GMDS: variants seen among roughly 807,000 people sequenced by gnomAD.
The protein encoded by GMDS is GDP-mannose 4,6-dehydratase, also known as GDP-mannose 4,6 dehydratase.
GMDS carries 20 observed loss-of-function variants against 49.9 expected under a neutral mutation model. The ratio of observed to expected loss-of-function variants is 0.40; its 90% CI spans 0.28 to 0.58. The LOEUF (loss-of-function observed/expected upper bound fraction) is 0.58, where lower values mean the gene tolerates loss of function less well. Ranked by LOEUF, GMDS falls within the 20% of genes least tolerant of loss-of-function variation. GMDS has a pLI of 0.42. For synonymous variants in GMDS, 177 were observed against 178.6 expected (o/e 0.99, Z 0.07); for missense variants, 362 against 481.4 (o/e 0.75, Z 2.32).
At chr6:1,743,468 G>A (rs532761353) in intron 7 of GMDS, among the ~76,000 whole-genome samples, 109 of 147,266 alleles carry the variant, frequency 7.4e-4, no homozygotes, top group African/African-American at 2.4e-3. Flanking sequence ...GCGTGAACCC[G>A]GGAGGCGGAG....
intron 1 of GMDS, among the ~76,000 whole-genome samples, chr6:2,184,040 T>C (rs1315007144): frequency 1.3e-5 from 2 of 152,230 alleles, no homozygotes; most frequent in African/African-American, 4.8e-5. Flanking sequence ...ATATATAACT[T>C]ACATATTCAT....
intron 1 of GMDS, among the ~76,000 whole-genome samples, chr6:2,207,889 T>G (rs1362996332): frequency 6.6e-6 from 1 of 151,920 alleles, no homozygotes; most frequent in Non-Finnish European, 1.5e-5. Flanking sequence ...ATTGAGAAGA[T>G]TTCTCTAAAA....
chr6:2,168,385 A>T (rs758798620), intron 1 of GMDS, among the ~76,000 whole-genome samples: 9 of 152,216 alleles, frequency 5.9e-5, no homozygotes, highest in Non-Finnish European at 1.3e-4. Flanking sequence ...TAGAAGAAAC[A>T]AGGAGCAAAG....
intron 1 of GMDS, among the ~76,000 whole-genome samples, chr6:2,227,580 A>G (rs1780873138): frequency 6.6e-6 from 1 of 152,230 alleles, no homozygotes; most frequent in Non-Finnish European, 1.5e-5. Flanking sequence ...GTTCCTAGAG[A>G]GTGACTGTGG....
rs971655499 is a variant in GMDS, at chr6:1,728,817, A to G, written c.891-2305T>C. On this transcript the variant is annotated intron_variant, in intron 8 of 10. Coordinates refer to ENST00000380815, the MANE Select transcript of GMDS (RefSeq NM_001500.4). ...ACAGATCACATATAGTCTCTGTTAC[A>G]TATTTTTCCTTTCTCCTCTTTCTTT... is the stretch of plus-strand genomic sequence containing the variant. Among the ~76,000 whole-genome samples, 7 of 152,146 alleles carry G rather than the reference A, an allele frequency of 4.6e-5. 1 individual carries two copies. Among genetic ancestry groups the G allele is most frequent in the African/African-American group, 1.4e-4 (6 of 41,528 alleles).
intron 7 of GMDS, among the ~76,000 whole-genome samples, chr6:1,913,532 A>T (rs978580947): frequency 1.3e-5 from 2 of 152,232 alleles, no homozygotes; most frequent in South Asian, 4.1e-4. Flanking sequence ...TTCCTCAAAG[A>T]ATAGAAGGGT....
Position 2,192,802 on chromosome 6 carries a change from T to G in GMDS, c.102+52519A>C, listed in dbSNP as rs571241777. ...CAGTCCACGCCTGACTCAGTCTCCC[T>G]TGGAGGTGTGGGATCCAGGCCGGTA... On this transcript the variant is annotated intron_variant, in intron 1 of 10. Transcript: ENST00000380815. Among the ~76,000 whole-genome samples the G allele has an allele frequency of 2.6e-5, 4 of 152,206 alleles. No homozygotes were observed. The East Asian group carries it at 7.7e-4, about 29-fold the overall frequency.
At chr6:1,632,497 C>T (rs573095692) in intron 9 of GMDS, among the ~76,000 whole-genome samples, 3 of 152,118 alleles carry the variant, frequency 2.0e-5, no homozygotes, top group African/African-American at 4.8e-5. Flanking sequence ...ATAGGAGTGT[C>T]GGTTACAAGA....
intron 7 of GMDS, among the ~76,000 whole-genome samples, chr6:1,823,126 G>T (rs1263807112): frequency 2.0e-5 from 3 of 151,856 alleles, no homozygotes; most frequent in Admixed American, 1.3e-4. Context: ...TAAAATATTT[G>T]GCAAAACTCA....
At chr6:1,994,445 C>T (rs1168963377) in intron 4 of GMDS, among the ~76,000 whole-genome samples, 1 of 152,024 alleles carries the variant, frequency 6.6e-6, no homozygotes, top group Non-Finnish European at 1.5e-5. Context: ...TTTCACAAAG[C>T]ATCAAGAAGG....
chr6:1,998,465 G>C (rs1446130433), intron 4 of GMDS, among the ~76,000 whole-genome samples: 10 of 152,078 alleles, frequency 6.6e-5, no homozygotes, highest in Admixed American at 6.6e-4. Context: ...AAAAAGTATA[G>C]AGCAATAATT....
rs545180613 is a variant in GMDS, at chr6:2,191,723, G to C, written c.102+53598C>G. Among the ~76,000 whole-genome samples, 2 of 152,324 alleles carry C rather than the reference G, an allele frequency of 1.3e-5. No homozygotes were observed. Among genetic ancestry groups the C allele is most frequent in the East Asian group, 3.9e-4 (2 of 5,166 alleles). On this transcript the variant is annotated intron_variant, in intron 1 of 10. Transcript: ENST00000380815. The surrounding 1 kb of genome is among the most constrained non-coding windows in gnomAD (Gnocchi z 4.6). ...TGACAAGCATGGGATGTGGAACCTA[G>C]GGGGACACTGAGAGCAGCTTGATGC... is the stretch of plus-strand genomic sequence containing the variant.
intron 9 of GMDS, among the ~76,000 whole-genome samples, chr6:1,658,911 C>T (rs1464534390): frequency 6.6e-6 from 1 of 152,212 alleles, no homozygotes; most frequent in Non-Finnish European, 1.5e-5. Context: ...ACGGCTCTCA[C>T]AAGGCTGTGA....
At chr6:2,231,588 C>T (rs1781113621) in intron 1 of GMDS, among the ~76,000 whole-genome samples, 1 of 152,056 alleles carries the variant, frequency 6.6e-6, no homozygotes, top group African/African-American at 2.4e-5. Flanking sequence ...AAGGAATTTG[C>T]TCAGCATGCC....
At chr6:2,173,765 G>C (rs1212219935) in intron 1 of GMDS, among the ~76,000 whole-genome samples, 1 of 152,132 alleles carries the variant, frequency 6.6e-6, no homozygotes, top group African/African-American at 2.4e-5. Context: ...AGTGCAATAA[G>C]CCCATATTCA....
intron 7 of GMDS, among the ~76,000 whole-genome samples, chr6:1,815,538 G>A (rs1770622987): frequency 6.6e-6 from 1 of 152,142 alleles, no homozygotes; most frequent in Non-Finnish European, 1.5e-5. Flanking sequence ...TATGGCCATG[G>A]AATAATCCAT....
intron 1 of GMDS, among the ~76,000 whole-genome samples, chr6:2,234,972 A>C (rs1781288650): frequency 6.6e-6 from 1 of 152,154 alleles, no homozygotes; most frequent in Non-Finnish European, 1.5e-5. Flanking sequence ...CTAAAAATAG[A>C]AAATTAGCCG....
intron 7 of GMDS, among the ~76,000 whole-genome samples, chr6:1,746,638 AATCT>A (rs1368335642): frequency 1.3e-5 from 2 of 152,316 alleles, no homozygotes; most frequent in South Asian, 2.1e-4. Flanking sequence ...GTATATAATT[AATCT>A]ATCTGTTCTA....
intron 9 of GMDS, among the ~76,000 whole-genome samples, chr6:1,690,276 C>T (rs979476421): frequency 6.6e-6 from 1 of 152,078 alleles, no homozygotes; most frequent in African/African-American, 2.4e-5. Flanking sequence ...CTGCTTTTGA[C>T]GTTTTTGTCA....
Sources: allele counts gnomAD v4.1 joint callset (sites outside exome capture counted in the v4.1 genomes callset), GRCh38; gene constraint gnomAD v4.1.1; non-coding constraint Gnocchi (gnomAD v3.1); transcripts MANE v1.5; gene names NCBI Gene and HGNC (gene_info 2026-07-23, HGNC 2026-07-21).